ADGRL2: variants seen among roughly 807,000 people sequenced by gnomAD.
ADGRL2 encodes calcium-independent alpha-latrotoxin receptor 2.
In ADGRL2, 44 loss-of-function variants were observed where a neutral mutation model predicts 157.4. That is an observed-to-expected ratio of 0.28 (90% CI 0.22 to 0.36). ADGRL2 has a LOEUF of 0.36. Ranked by LOEUF, ADGRL2 falls within the 10% of genes least tolerant of loss-of-function variation. ADGRL2 has a pLI of 1.00. For synonymous variants in ADGRL2, 585 were observed against 624.7 expected (o/e 0.94, Z 0.95); for missense variants, 1,510 against 1,768.9 (o/e 0.85, Z 2.63).
intron 1 of ADGRL2, among the ~76,000 whole-genome samples, chr1:81,439,118 T>A (rs1480657080): frequency 6.6e-6 from 1 of 152,212 alleles, no homozygotes; most frequent in African/African-American, 2.4e-5. Flanking sequence ...TTGCTTAATA[T>A]CAAAACCCCC....
At chr1:81,662,226 C>G (rs2082666077) in intron 3 of ADGRL2, among the ~76,000 whole-genome samples, 2 of 150,006 alleles carry the variant, frequency 1.3e-5, no homozygotes, top group African/African-American at 4.9e-5. Context: ...CCCTACTGTG[C>G]TATCAAATAG....
Position 81,981,661 on chromosome 1 carries a change from T to C in ADGRL2, c.3114-147T>C, listed in dbSNP as rs1661706652. On this transcript the variant is annotated intron_variant, in intron 18 of 23. Transcript: ENST00000686636. ...ACTAAATGCTATTGTTCTTTCTTAA[T>C]CAGAGAAAGGTTAAAACCAAAATGC... 8.9e-6 allele frequency: 6 copies of C among 676,964 alleles called. No individual in the cohort carries two copies. In the South Asian group the frequency reaches 1.2e-4, roughly 13 times the overall value. 41.9% of individuals were successfully genotyped at this position (676,964 alleles called of 1,614,324 possible).
intron 11 of ADGRL2, among the ~76,000 whole-genome samples, chr1:81,960,189 G>T (rs2149204487): frequency 6.6e-6 from 1 of 152,182 alleles, no homozygotes; most frequent in African/African-American, 2.4e-5. Flanking sequence ...AAGTCAGGTG[G>T]GTAATTTGTC....
intron 2 of ADGRL2, among the ~76,000 whole-genome samples, chr1:81,901,898 A>G (rs1334740342): frequency 1.3e-5 from 2 of 152,138 alleles, no homozygotes; most frequent in Non-Finnish European, 2.9e-5. Flanking sequence ...TAAACTTTTT[A>G]TTTTCCATCA....
In ADGRL2 at chr1:81,540,840, A is replaced by G. The variant is rs141038215; in HGVS notation, c.-247-40036A>G. 4.2e-4 allele frequency among the ~76,000 whole-genome samples: 64 copies of G among 152,320 alleles called. No individual in the cohort carries two copies. The East Asian group carries it at 0.01, about 24-fold the overall frequency. On this transcript the variant is annotated intron_variant, in intron 2 of 24. Transcript: ENST00000370721. ...TCACTTTTGCTTTTGTTGGAAGGAA[A>G]TAAAAGAGAAAGCAGAGAGACCAAT...
chr1:81,841,938 G>A (rs2092597469), intron 2 of ADGRL2, among the ~76,000 whole-genome samples: 2 of 152,290 alleles, frequency 1.3e-5, no homozygotes, highest in Middle Eastern at 3.4e-3. Context: ...TGGGATGAGC[G>A]ATAGTTGGAT....
At chr1:81,490,029 A>AAAGG (rs1424583348) in intron 2 of ADGRL2, among the ~76,000 whole-genome samples, 1 of 150,560 alleles carries the variant, frequency 6.6e-6, no homozygotes, top group African/African-American at 2.5e-5. Context: ...ATATCTCAAT[A>AAAGG]AAGGTAAATA....
intron 2 of ADGRL2, among the ~76,000 whole-genome samples, chr1:81,573,866 C>T (rs1355235876): frequency 6.6e-6 from 1 of 152,114 alleles, no homozygotes; most frequent in Non-Finnish European, 1.5e-5. Flanking sequence ...TGATTAAATA[C>T]TGGTTGGAGA....
Position 81,858,807 on chromosome 1 carries a change from C to T in ADGRL2, c.73+21750C>T, listed in dbSNP as rs923584160. ...AATGTAGACATATTTACCATTTTTT[C>T]CCGGATGTAATATAAAGTGCGCCAT... On this transcript the variant is annotated intron_variant, in intron 2 of 23. Coordinates refer to ENST00000686636, the MANE Select transcript of ADGRL2 (RefSeq NM_001366006.2). Among the ~76,000 whole-genome samples, 7 of 152,048 alleles carry T rather than the reference C, an allele frequency of 4.6e-5. No homozygotes were observed. The South Asian group carries it at 1.0e-3, about 22-fold the overall frequency.
chr1:81,564,776 C>T (rs2080521694), intron 2 of ADGRL2, among the ~76,000 whole-genome samples: 1 of 152,068 alleles, frequency 6.6e-6, no homozygotes. Context: ...GAGAAGCTGC[C>T]CACCACAGTC....
intron 1 of ADGRL2, among the ~76,000 whole-genome samples, chr1:81,821,878 A>G (rs145875271): frequency 1.3e-5 from 2 of 152,276 alleles, no homozygotes; most frequent in Non-Finnish European, 2.9e-5. Context: ...TTTGATTTGT[A>G]AAGTCCATTA....
chr1:81,369,176 G>C (rs1398185159), intron 1 of ADGRL2, among the ~76,000 whole-genome samples: 2 of 152,066 alleles, frequency 1.3e-5, no homozygotes, highest in African/African-American at 2.4e-5. Flanking sequence ...CAGAGACAGA[G>C]ACACACACAG....
At chr1:81,630,322 G>A (rs1420566290) in intron 3 of ADGRL2, among the ~76,000 whole-genome samples, 2 of 152,068 alleles carry the variant, frequency 1.3e-5, no homozygotes, top group African/African-American at 4.8e-5. Context: ...AGAGGAGTGG[G>A]CAGTGACAAG....
At chr1:81,654,556 A>G (rs1340291424) in intron 3 of ADGRL2, among the ~76,000 whole-genome samples, 1 of 152,182 alleles carries the variant, frequency 6.6e-6, no homozygotes, top group Non-Finnish European at 1.5e-5. Flanking sequence ...AATCCTACAT[A>G]TAATTGTGAG....
intron 1 of ADGRL2, among the ~76,000 whole-genome samples, chr1:81,352,000 G>A (rs145501789): frequency 0.012 from 1,773 of 152,288 alleles, 18 homozygotes; most frequent in South Asian, 0.033. Flanking sequence ...ATGTCATACC[G>A]GCATACACAG....
intron 1 of ADGRL2, among the ~76,000 whole-genome samples, chr1:81,352,214 A>G (rs1406630457): frequency 2.6e-5 from 4 of 152,254 alleles, no homozygotes; most frequent in Non-Finnish European, 5.9e-5. Flanking sequence ...TGAGGGTGAC[A>G]GAACAGAATT....
intron 3 of ADGRL2, among the ~76,000 whole-genome samples, chr1:81,587,830 G>T (rs116755414): frequency 5.3e-5 from 8 of 152,182 alleles, no homozygotes; most frequent in Non-Finnish European, 1.0e-4. Context: ...AAATTAAGGA[G>T]GGATTTTAGG....
intron 3 of ADGRL2, among the ~76,000 whole-genome samples, chr1:81,619,942 T>TAA (rs3834770): frequency 1.1e-3 from 165 of 150,886 alleles, no homozygotes; most frequent in African/African-American, 2.5e-3. Context: ...TCCATTTCTT[T>TAA]AAAAAAAAAG....
rs2082660254 is a variant in ADGRL2, at chr1:81,661,979, T to C, written c.-143+80999T>C. On this transcript the variant is annotated intron_variant, in intron 3 of 24. Transcript: ENST00000370721. Reference sequence around the variant, plus strand: ...TACAGGAGAGAAAAGTGCCCAAGAATAAAGTCAACTTAAGAGTTTTTTTTT... The same window carrying C: ...TACAGGAGAGAAAAGTGCCCAAGAACAAAGTCAACTTAAGAGTTTTTTTTT... 2.0e-5 allele frequency among the ~76,000 whole-genome samples: 3 copies of C among 152,114 alleles called. No individual in the cohort carries two copies. In the South Asian group the frequency reaches 6.2e-4, roughly 31 times the overall value.
Sources: allele counts gnomAD v4.1 joint callset (sites outside exome capture counted in the v4.1 genomes callset), GRCh38; gene constraint gnomAD v4.1.1; transcripts MANE v1.5; gene names NCBI Gene and HGNC (gene_info 2026-07-23, HGNC 2026-07-21).